LRRC53: variants seen among roughly 807,000 people sequenced by gnomAD.
LRRC53 encodes leucine-rich repeat-containing protein 53.
Under a neutral mutation model 13.6 loss-of-function variants are expected in LRRC53, and 25 were observed. That is an observed-to-expected ratio of 1.83 (90% CI 1.34 to 2.56). The LOEUF is 2.56. Ranked by LOEUF, LRRC53 falls within the 30% of genes most tolerant of loss-of-function variation. The pLI is 0.00. For synonymous variants in LRRC53, 204 were observed against 109.8 expected, an observed-to-expected ratio of 1.86 and a Z score of -5.37; for missense variants, 527 against 275.8, an observed-to-expected ratio of 1.91 and a Z score of -6.45.
upstream of LRRC53, among the ~76,000 whole-genome samples, chr1:74,512,823 A>C (rs1419780893): frequency 6.6e-6 from 1 of 152,192 alleles, no homozygotes; most frequent in Non-Finnish European, 1.5e-5. Flanking sequence ...TGTATTCTTC[A>C]AAATGGGCAC....
In LRRC53 at chr1:74,471,192, A is replaced by C. The variant is rs1667916189; in HGVS notation, c.2430T>G (p.Ser810Arg). ...QRNTKRAPLLSANNLRVVNQS... is the reference protein window; with the variant it reads ...QRNTKRAPLLRANNLRVVNQS... Reference sequence around the variant, plus strand: ...GGTTGACTACACGCAAGTTGTTAGCACTGAGCAGGGGGGCACGTTTAGTGT... The same window carrying C: ...GGTTGACTACACGCAAGTTGTTAGCCCTGAGCAGGGGGGCACGTTTAGTGT... Residue 810 changes from serine to arginine, a missense_variant, in exon 5 of 5, where the codon AGT becomes AGG. Ser to Arg is a moderately radical substitution (Grantham distance 110). Transcript: ENST00000294635. 1 of 400,540 alleles carries C rather than the reference A, an allele frequency of 2.5e-6. No homozygotes were observed. Among genetic ancestry groups the C allele is most frequent in the Non-Finnish European group, 4.4e-6 (1 of 226,194 alleles). The allele number at this position is 400,540 out of a possible 1,614,324, so 24.8% of individuals were successfully genotyped here.
intron 1 of LRRC53, among the ~76,000 whole-genome samples, chr1:74,497,434 A>G (rs1411023268): frequency 6.6e-6 from 1 of 151,810 alleles, no homozygotes; most frequent in Non-Finnish European, 1.5e-5. Context: ...CTTCTTGTCA[A>G]CTCACCACAA....
At chr1:74,536,549 G>A in the LRRC53 span, among the ~76,000 whole-genome samples, 1 of 151,682 alleles carries the variant, frequency 6.6e-6, no homozygotes, top group East Asian at 1.9e-4. Flanking sequence ...ATACATCATG[G>A]AGCTAATTTG....
chr1:74,535,688 A>T, the LRRC53 span, among the ~76,000 whole-genome samples: 1 of 152,098 alleles, frequency 6.6e-6, no homozygotes, highest in East Asian at 1.9e-4. Flanking sequence ...AATCTTAGGA[A>T]ATGCAGCATT....
chr1:74,508,605 C>T (rs978638728), intron 1 of LRRC53, among the ~76,000 whole-genome samples: 5 of 152,114 alleles, frequency 3.3e-5, no homozygotes, highest in South Asian at 2.1e-4. Flanking sequence ...GGATAAGTAG[C>T]GAATCAGTCT....
chr1:74,534,546 A>T, the LRRC53 span, among the ~76,000 whole-genome samples: 1 of 152,162 alleles, frequency 6.6e-6, no homozygotes, highest in Non-Finnish European at 1.5e-5. Context: ...TGGATTCATT[A>T]TGACACTGCC....
At chr1:74,478,721 A>C (rs1474021433) in intron 3 of LRRC53, among the ~76,000 whole-genome samples, 1 of 152,168 alleles carries the variant, frequency 6.6e-6, no homozygotes, top group African/African-American at 2.4e-5. Context: ...TTCTAAACCT[A>C]TGTGAACCCC....
At chr1:74,509,692 T>C (rs1194591555) in intron 1 of LRRC53, among the ~76,000 whole-genome samples, 1 of 151,744 alleles carries the variant, frequency 6.6e-6, no homozygotes. Flanking sequence ...GAGTGTTGTG[T>C]TTGATTTTGA....
chr1:74,499,997 T>C (rs1361188913), intron 1 of LRRC53, among the ~76,000 whole-genome samples: 1 of 151,994 alleles, frequency 6.6e-6, no homozygotes, highest in Non-Finnish European at 1.5e-5. Flanking sequence ...CCTTTGATTA[T>C]TTGAATATGA....
upstream of LRRC53, among the ~76,000 whole-genome samples, chr1:74,513,545 CT>C (rs572930637): frequency 1.3e-5 from 2 of 152,258 alleles, no homozygotes; most frequent in East Asian, 3.9e-4. Flanking sequence ...CTTTGTCTTC[CT>C]TTTTTTCTCT....
rs1303455505 is a variant in LRRC53, at chr1:74,480,540, C to A, written c.517G>T (p.Gly173Trp). The part of the protein sequence containing the change: ...DLSNNFISYI[G>W]KDAFRPLPQL... Reference sequence around the variant, plus strand: ...GGCAGGGGCCGGAAGGCATCTTTCCCAATGTAGGAAATAAAATTGTTGGAT... The same window carrying A: ...GGCAGGGGCCGGAAGGCATCTTTCCAAATGTAGGAAATAAAATTGTTGGAT... The change falls in exon 3 of 5, where the codon GGG becomes TGG. Residue 173 changes from glycine (G) to tryptophan (W), a missense_variant. Physicochemically the swap from Gly to Trp is radical, Grantham distance 184 (BLOSUM62 -2). Coordinates refer to ENST00000294635, the MANE Select transcript of LRRC53 (RefSeq NM_001382280.1). 9.8e-6 allele frequency: 7 copies of A among 717,386 alleles called. No homozygotes were observed. In the East Asian group the frequency reaches 1.9e-4, roughly 19 times the overall value. The allele number at this position is 717,386 out of a possible 1,614,324, so 44.4% of individuals were successfully genotyped here.
chr1:74,481,251 G>T (rs963064127), intron 2 of LRRC53, among the ~76,000 whole-genome samples: 1 of 151,990 alleles, frequency 6.6e-6, no homozygotes, highest in Non-Finnish European at 1.5e-5. Context: ...TCATTGTTTC[G>T]GATTATCTTC....
At chr1:74,505,996 G>GA (rs575651817) in intron 1 of LRRC53, among the ~76,000 whole-genome samples, 150 of 152,052 alleles carry the variant, frequency 9.9e-4, no homozygotes, top group African/African-American at 3.4e-3. Flanking sequence ...ATCACTTTTT[G>GA]TTTTTTTGGC....
chr1:74,507,230 C>CG (rs1557614818), intron 1 of LRRC53, among the ~76,000 whole-genome samples: 1 of 140,214 alleles, frequency 7.1e-6, no homozygotes, highest in African/African-American at 2.6e-5. Context: ...TTCACCCCCC[C>CG]CCCATCTTTT....
chr1:74,472,729 T>A (rs1667999081), intron 4 of LRRC53, among the ~76,000 whole-genome samples: 2 of 152,160 alleles, frequency 1.3e-5, no homozygotes, highest in Non-Finnish European at 2.9e-5. Flanking sequence ...TCCCATAACT[T>A]AATAAAATGT....
In LRRC53 at chr1:74,470,358, A is replaced by G. The variant is rs1667863325; in HGVS notation, c.3264T>C (p.Asp1088=). ...IVGKEEKNML[D]ESKTDSSMLT... The stretch of plus-strand genomic sequence containing the variant: ...ACATACTAGAATCTGTCTTGCTTTC[A>G]TCAAGCATATTTTTCTCTTCTTTCC... The change falls in exon 5 of 5, where the codon GAT becomes GAC. Residue 1088 remains aspartate, a synonymous_variant. Coordinates refer to ENST00000294635, the MANE Select transcript of LRRC53 (RefSeq NM_001382280.1). The G allele has an allele frequency of 5.0e-6, 2 of 400,412 alleles. No individual in the cohort carries two copies. Among genetic ancestry groups the G allele is most frequent in the African/African-American group, 4.1e-5 (2 of 48,642 alleles). 24.8% of individuals were successfully genotyped at this position (400,412 alleles called of 1,614,324 possible).
At chr1:74,501,835 C>G (rs1238657573) in intron 1 of LRRC53, among the ~76,000 whole-genome samples, 1 of 152,060 alleles carries the variant, frequency 6.6e-6, no homozygotes, top group African/African-American at 2.4e-5. Context: ...CTGCTTTAAA[C>G]TAGCTTGTAT....
the LRRC53 span, among the ~76,000 whole-genome samples, chr1:74,524,141 C>G: frequency 6.6e-6 from 1 of 152,250 alleles, no homozygotes; most frequent in Non-Finnish European, 1.5e-5. Flanking sequence ...GCAGTGCCCA[C>G]AAAGGCTCCA....
At chr1:74,522,503 C>G in the LRRC53 span, among the ~76,000 whole-genome samples, 1 of 152,104 alleles carries the variant, frequency 6.6e-6, no homozygotes, top group Admixed American at 6.6e-5. Context: ...ATGACTAATT[C>G]TCCCCACGCA....
Sources: gnomAD v4.1 joint callset for allele counts (sites outside exome capture counted in the v4.1 genomes callset) on GRCh38, gnomAD v4.1.1 for gene constraint, MANE v1.5 for transcripts, NCBI Gene and HGNC (gene_info 2026-07-23, HGNC 2026-07-21) for gene names.